The following SLC38A6 variants were observed in gnomAD, a reference collection of about 807,000 sequenced individuals.
SLC38A6 encodes the protein solute carrier family 38 member 6, also known as N system amino acid transporter NAT-1.
Under a neutral mutation model 65.0 loss-of-function variants are expected in SLC38A6, and 73 were observed. The observed-to-expected ratio is 1.12, with a 90% CI of 0.93 to 1.37. The LOEUF is 1.37. SLC38A6 is among the 40% of genes most tolerant of loss of function. The probability of loss-of-function intolerance (pLI) is 0.00; values close to 1 mark genes in which losing one functional copy is unlikely to be tolerated. For missense variants in SLC38A6, 561 were observed against 531.1 expected, an observed-to-expected ratio of 1.06 and a Z score of -0.55; for synonymous variants, 183 against 178.8, an observed-to-expected ratio of 1.02 and a Z score of -0.19.
chr14:61,029,840 C>G (rs1164675453), intron 5 of SLC38A6, among the ~76,000 whole-genome samples: 1 of 152,088 alleles, frequency 6.6e-6, no homozygotes, highest in African/African-American at 2.4e-5. Context: ...ATTGAACTTT[C>G]TCTAATCTTT....
At chr14:61,030,597 A>C in intron 6 of SLC38A6, 74 bp downstream of exon 6, 1 of 1,018,694 alleles carries the variant, frequency 9.8e-7, no homozygotes, top group Non-Finnish European at 1.5e-6. Flanking sequence ...GTAAATGGCA[A>C]TACTTGTAGT....
In SLC38A6 at chr14:60,984,784, T is replaced by C; in HGVS notation, c.291T>C (p.Leu97=). The C allele has an allele frequency of 6.2e-7, 1 of 1,613,922 alleles. No individual in the cohort carries two copies. Among genetic ancestry groups the C allele is most frequent in the Non-Finnish European group, 8.5e-7 (1 of 1,179,866 alleles). The part of the protein sequence containing the change: ...LLASYSVHLL[L]SMCIQTAVTS... ...CTTCTTACTCAGTCCATCTTCTGCTTAGTATGTGTATTCAGACAGGTGAGT... is the reference window on the plus strand; with the variant it reads ...CTTCTTACTCAGTCCATCTTCTGCTCAGTATGTGTATTCAGACAGGTGAGT... The change falls in exon 3 of 16, where the codon CTT becomes CTC. Residue 97 remains leucine (L), a synonymous_variant. Transcript: ENST00000267488.
chr14:61,005,859 C>T (rs1216643486), intron 3 of SLC38A6, among the ~76,000 whole-genome samples: 8 of 152,206 alleles, frequency 5.3e-5, no homozygotes, highest in South Asian at 2.1e-4. Flanking sequence ...AAAAAGAGCC[C>T]GCATTGCCAA....
intron 5 of SLC38A6, among the ~76,000 whole-genome samples, chr14:61,022,830 T>C (rs2040412942): frequency 6.6e-6 from 1 of 152,208 alleles, no homozygotes; most frequent in South Asian, 2.1e-4. Flanking sequence ...CTTCATTTTA[T>C]AGAGAAGAGA....
chr14:61,010,369 G>A (rs1044759837), intron 3 of SLC38A6, among the ~76,000 whole-genome samples: 10 of 152,106 alleles, frequency 6.6e-5, no homozygotes, highest in African/African-American at 2.4e-4. Context: ...CTGTGCAGAA[G>A]CTCTTTAGTT....
rs1395776793 is a variant in SLC38A6, at chr14:61,043,177, C to T, written c.655C>T (p.Pro219Ser). The change falls in exon 9 of 16, where the codon CCT (proline) becomes TCT (serine). Residue 219 changes from proline to serine, a missense_variant. Pro to Ser is a moderately conservative substitution (Grantham distance 74). Coordinates refer to ENST00000267488, the MANE Select transcript of SLC38A6 (RefSeq NM_153811.3). Reference sequence around the variant, plus strand: ...AATTAAAAAATGGTCCATCCCTTGTCCTCTGACATTAAATTATGTAGAGAA... The same window carrying T: ...AATTAAAAAATGGTCCATCCCTTGTTCTCTGACATTAAATTATGTAGAGAA... Reference protein sequence around the residue: ...VIIKKWSIPCPLTLNYVEKGF... With the variant: ...VIIKKWSIPCSLTLNYVEKGF... 1.3e-6 allele frequency: 2 copies of T among 1,543,390 alleles called. No individual in the cohort carries two copies. Among genetic ancestry groups the T allele is most frequent in the Non-Finnish European group, 1.8e-6 (2 of 1,129,614 alleles).
exon 17 of SLC38A6, chr14:61,083,619 C>T (rs1288180178): frequency 6.4e-7 from 1 of 1,550,520 alleles, no homozygotes; most frequent in South Asian, 1.2e-5. Context: ...AAGAAGGCAA[C>T]TGTTTACAAG....
intron 3 of SLC38A6, among the ~76,000 whole-genome samples, chr14:61,010,687 A>G (rs970835153): frequency 2.5e-4 from 38 of 152,152 alleles, no homozygotes; most frequent in Non-Finnish European, 3.7e-4. Context: ...AAGTTCAGAT[A>G]GTTGTAGATA....
intron 6 of SLC38A6, among the ~76,000 whole-genome samples, chr14:61,033,098 C>T (rs1594669519): frequency 6.6e-6 from 1 of 151,878 alleles, no homozygotes; most frequent in Middle Eastern, 3.4e-3. Context: ...AAGTTGGAAG[C>T]TCTCTGTTAA....
intron 5 of SLC38A6, among the ~76,000 whole-genome samples, 169 bp downstream of exon 5, chr14:61,019,749 A>T (rs1252707645): frequency 3.3e-5 from 5 of 151,370 alleles, no homozygotes; most frequent in Non-Finnish European, 5.9e-5. Context: ...TTTTAGCAGC[A>T]CTTGTGACAG....
At chr14:61,047,978 C>G (rs111559238) in intron 12 of SLC38A6, among the ~76,000 whole-genome samples, 175 of 1,248 alleles carry the variant, frequency 0.14, no homozygotes, top group East Asian at 0.26. Flanking sequence ...TAGATAGATA[C>G]ATACATACAT....
chr14:61,037,213 T>C (rs927678701), intron 7 of SLC38A6, 72 bp downstream of exon 7: 9 of 1,128,726 alleles, frequency 8.0e-6, no homozygotes, highest in Non-Finnish European at 1.1e-5. Flanking sequence ...GAGACAAATA[T>C]TAAGGGGCTT....
chr14:61,049,327 T>C (rs116822226), intron 12 of SLC38A6, among the ~76,000 whole-genome samples: 346 of 152,298 alleles, frequency 2.3e-3, no homozygotes, highest in African/African-American at 7.9e-3. Context: ...AGACCACTTA[T>C]TTTCTCAGAT....
At chr14:61,046,921 A>C (rs912146470) in intron 12 of SLC38A6, among the ~76,000 whole-genome samples, 2 of 152,132 alleles carry the variant, frequency 1.3e-5, no homozygotes, top group Admixed American at 6.6e-5. Context: ...AGCTTTTCTG[A>C]TCATCATTAA....
intron 3 of SLC38A6, among the ~76,000 whole-genome samples, chr14:61,013,879 G>T (rs540069408): frequency 1.3e-5 from 2 of 152,046 alleles, no homozygotes; most frequent in South Asian, 4.2e-4. Flanking sequence ...TGCTCTTCTC[G>T]TGGAGTATGT....
At position 61,062,497 on chromosome 14, in the gene SLC38A6, C is replaced by CT. The variant is rs113203481; in HGVS notation, c.1290+10374dup. Among the ~76,000 whole-genome samples the CT allele has an allele frequency of 7.3e-3, 1,036 of 141,322 alleles. 15 individuals are homozygous for CT. Among genetic ancestry groups the CT allele is most frequent in the African/African-American group, 0.023 (872 of 38,746 alleles). The allele number at this position is 141,322 out of a possible 152,430, so 92.7% of individuals were successfully genotyped here. A position where few individuals can be genotyped will look rare whatever the true frequency, so the allele number is the denominator to read the frequency against. On this transcript the variant is annotated intron_variant, in intron 15 of 16. Coordinates refer to the SLC38A6 transcript ENST00000354886. ...TCTGTTTAGCTCAACTCTCTTTTGC[C>CT]TTTTTTTTTTTTAAATACTGGGTCT...
chr14:61,053,835 C>T (rs188498056), downstream of SLC38A6, among the ~76,000 whole-genome samples: 6 of 150,866 alleles, frequency 4.0e-5, no homozygotes, highest in African/African-American at 1.2e-4. Context: ...GTTCTGTAGG[C>T]TGTTTGGTTT....
intron 3 of SLC38A6, among the ~76,000 whole-genome samples, chr14:60,996,776 A>G (rs1318260783): frequency 2.6e-5 from 4 of 152,194 alleles, no homozygotes; most frequent in South Asian, 2.1e-4. Flanking sequence ...GCAAAGAATC[A>G]AGAACCACAG....
chr14:60,991,882 G>C (rs1415373056), intron 3 of SLC38A6, among the ~76,000 whole-genome samples: 1 of 152,178 alleles, frequency 6.6e-6, no homozygotes, highest in Non-Finnish European at 1.5e-5. Context: ...CTAGAGAGCA[G>C]AAAGAGAGAA....
Sources: gnomAD v4.1 joint callset for allele counts (sites outside exome capture counted in the v4.1 genomes callset) on GRCh38, gnomAD v4.1.1 for gene constraint, MANE v1.5 for transcripts, NCBI Gene and HGNC (gene_info 2026-07-23, HGNC 2026-07-21) for gene names.